GRIN2A: variants seen among roughly 807,000 people sequenced by gnomAD.
GRIN2A encodes glutamate receptor ionotropic, NMDA 2A.
A neutral mutation model predicts 113.4 loss-of-function variants in GRIN2A; 22 were observed. The observed-to-expected ratio is 0.19, with a 90% CI of 0.14 to 0.28. The LOEUF (loss-of-function observed/expected upper bound fraction) is 0.28. GRIN2A is among the 10% of genes least tolerant of loss of function. GRIN2A has a pLI of 1.00. For missense variants in GRIN2A, 1,502 were observed against 1,887.0 expected, an observed-to-expected ratio of 0.80 and a Z score of 3.78; for synonymous variants, 827 against 738.4, an observed-to-expected ratio of 1.12 and a Z score of -1.94.
intron 2 of GRIN2A, among the ~76,000 whole-genome samples, chr16:10,117,817 G>A (rs1320379218): frequency 6.6e-6 from 1 of 152,212 alleles, no homozygotes; most frequent in Non-Finnish European, 1.5e-5. Flanking sequence ...ATTCCATAAT[G>A]ACAATAGAAA....
chr16:9,808,466 G>C (rs1054385323), intron 10 of GRIN2A, among the ~76,000 whole-genome samples: 7 of 152,172 alleles, frequency 4.6e-5, no homozygotes, highest in Admixed American at 1.3e-4. Flanking sequence ...GAAAACATGA[G>C]AGTGAAAGAG....
chr16:10,076,552 G>C (rs1395027386), intron 2 of GRIN2A, among the ~76,000 whole-genome samples: 1 of 152,144 alleles, frequency 6.6e-6, no homozygotes, highest in African/African-American at 2.4e-5. Context: ...TAAGAGATGA[G>C]TTTGGTTTAA....
At chr16:10,078,593 G>A (rs117456544) in intron 2 of GRIN2A, among the ~76,000 whole-genome samples, 4,002 of 152,208 alleles carry the variant, frequency 0.026, 79 homozygotes, top group Middle Eastern at 0.051. Context: ...GCCAGGCCAC[G>A]TAGTCATGTC....
chr16:9,980,683 T>C (rs1266565063), intron 2 of GRIN2A, among the ~76,000 whole-genome samples: 1 of 152,062 alleles, frequency 6.6e-6, no homozygotes, highest in East Asian at 1.9e-4. Context: ...TCATGTCCTT[T>C]GTAGGGACAT....
At chr16:10,084,013 G>A (rs1332647157) in intron 2 of GRIN2A, among the ~76,000 whole-genome samples, 1 of 152,126 alleles carries the variant, frequency 6.6e-6, no homozygotes. Flanking sequence ...AAGAAGGAGG[G>A]TCGCCTGGAC....
At chr16:9,904,775 C>T (rs1370887655) in intron 3 of GRIN2A, among the ~76,000 whole-genome samples, 2 of 152,178 alleles carry the variant, frequency 1.3e-5, no homozygotes, top group Non-Finnish European at 2.9e-5. Flanking sequence ...AGATACCATC[C>T]CTCTGGGGAT....
At chr16:10,123,666 T>C (rs2048874388) in intron 2 of GRIN2A, among the ~76,000 whole-genome samples, 2 of 152,090 alleles carry the variant, frequency 1.3e-5, no homozygotes, top group Non-Finnish European at 2.9e-5. Flanking sequence ...GGACCTGAGA[T>C]TCTGCATTCA....
At chr16:9,999,030 T>C (rs1375777631) in intron 2 of GRIN2A, among the ~76,000 whole-genome samples, 1 of 152,140 alleles carries the variant, frequency 6.6e-6, no homozygotes, top group Non-Finnish European at 1.5e-5. Flanking sequence ...CAAACAATAT[T>C]AAATTAGAGG....
chr16:10,112,937 C>T (rs966483365), intron 2 of GRIN2A: 13 of 392,254 alleles, frequency 3.3e-5, no homozygotes, highest in African/African-American at 8.3e-5. Context: ...TGTCCACCTT[C>T]GGGCACAACC....
intron 3 of GRIN2A, among the ~76,000 whole-genome samples, chr16:9,934,457 G>A (rs917002601): frequency 5.3e-5 from 8 of 151,992 alleles, no homozygotes; most frequent in African/African-American, 1.5e-4. Flanking sequence ...AAGGCGGGTG[G>A]ATCACCTGAG....
At chr16:10,049,370 T>C (rs989504332) in intron 2 of GRIN2A, among the ~76,000 whole-genome samples, 1 of 151,720 alleles carries the variant, frequency 6.6e-6, no homozygotes, top group Non-Finnish European at 1.5e-5. Context: ...ACCTTATTTA[T>C]TGATTTTTTA....
At chr16:9,981,400 G>A (rs902986554) in intron 2 of GRIN2A, among the ~76,000 whole-genome samples, 1 of 152,076 alleles carries the variant, frequency 6.6e-6, no homozygotes, top group African/African-American at 2.4e-5. Context: ...TGTCATCATG[G>A]GAAATGTCAA....
At chr16:10,122,372 G>C in intron 2 of GRIN2A, among the ~76,000 whole-genome samples, 1 of 152,142 alleles carries the variant, frequency 6.6e-6, no homozygotes, top group East Asian at 1.9e-4. Flanking sequence ...TTCGGGGTAA[G>C]GAAGCTACAA....
At chr16:10,002,997 C>T (rs911419740) in intron 2 of GRIN2A, among the ~76,000 whole-genome samples, 1 of 152,204 alleles carries the variant, frequency 6.6e-6, no homozygotes, top group African/African-American at 2.4e-5. Flanking sequence ...TAAGCATTAA[C>T]TAGCAGAAAA....
chr16:9,910,516 C>A (rs575843709), intron 3 of GRIN2A, among the ~76,000 whole-genome samples: 7 of 148,796 alleles, frequency 4.7e-5, no homozygotes, highest in Admixed American at 2.0e-4. Context: ...ATATTTGAGT[C>A]TCATATGAAG....
At chr16:9,770,779 A>G (rs966297615) in intron 11 of GRIN2A, among the ~76,000 whole-genome samples, 2 of 152,192 alleles carry the variant, frequency 1.3e-5, no homozygotes, top group African/African-American at 2.4e-5. Flanking sequence ...TAAAAAGTTA[A>G]TAGATTTTAT....
At chr16:9,777,472 A>T (rs1901674011) in intron 11 of GRIN2A, among the ~76,000 whole-genome samples, 1 of 152,226 alleles carries the variant, frequency 6.6e-6, no homozygotes, top group African/African-American at 2.4e-5. Context: ...TGGGAGATAA[A>T]TATTCCTTAT....
intron 2 of GRIN2A, among the ~76,000 whole-genome samples, chr16:9,961,858 C>T (rs1416840936): frequency 3.9e-5 from 6 of 152,146 alleles, no homozygotes; most frequent in East Asian, 1.9e-4. Context: ...GGAGGCATCA[C>T]GCTACCTGAC....
At chr16:9,833,323 A>T (rs1456299045) in intron 8 of GRIN2A, among the ~76,000 whole-genome samples, 1 of 152,234 alleles carries the variant, frequency 6.6e-6, no homozygotes, top group Admixed American at 6.5e-5. Flanking sequence ...CATCACCAAC[A>T]GGAAAATATA....
Sources: allele counts gnomAD v4.1 joint callset (sites outside exome capture counted in the v4.1 genomes callset), GRCh38; gene constraint gnomAD v4.1.1; transcripts MANE v1.5; gene names NCBI Gene and HGNC (gene_info 2026-07-23, HGNC 2026-07-21).